POLE3: variants seen among roughly 807,000 people sequenced by gnomAD.
POLE3 encodes the protein DNA polymerase epsilon subunit 3.
Under a neutral mutation model 16.1 loss-of-function variants are expected in POLE3, and 10 were observed. That is an observed-to-expected ratio of 0.62 (90% CI 0.38 to 1.05). The LOEUF is 1.05. POLE3 is among the 50% of genes least tolerant of loss of function. The pLI is 0.01. For missense variants in POLE3, 169 were observed against 185.0 expected, an observed-to-expected ratio of 0.91 and a Z score of 0.50; for synonymous variants, 83 against 71.0, an observed-to-expected ratio of 1.17 and a Z score of -0.85.
At chr9:113,409,774 G>A (rs752052230) in intron 3 of POLE3, 46 bp from the exon 4 acceptor site, 3 of 1,293,010 alleles carry the variant, frequency 2.3e-6, no homozygotes, top group Non-Finnish European at 2.2e-6. Flanking sequence ...TTTGTAAGGC[G>A]TGAGTGGGAA....
At chr9:113,410,521 C>A in intron 1 of POLE3, 96 bp downstream of exon 1, 2 of 596,886 alleles carry the variant, frequency 3.4e-6, no homozygotes. Flanking sequence ...GGTTTTGGCC[C>A]GCCAAGGCTT....
Position 113,409,741 on chromosome 9 carries a change from A to G in POLE3, c.153-13T>C. The G allele has an allele frequency of 6.6e-7, 1 of 1,520,678 alleles. No homozygotes were observed. Among genetic ancestry groups the G allele is most frequent in the Non-Finnish European group, 9.1e-7 (1 of 1,095,320 alleles). The allele number at this position is 1,520,678 out of a possible 1,614,324, so 94.2% of individuals were successfully genotyped here. On this transcript the variant is annotated splice_polypyrimidine_tract_variant and intron_variant, in intron 3 of 4. Transcript: ENST00000374171. ...AAAGTTGTTAGCACTGAGAGAAGAG[A>G]AAGGCTGTCAGACTCCCTCTTGTTT...
At chr9:113,409,068 A>C in intron 4 of POLE3, 85 bp from the exon 5 acceptor site, 1 of 1,324,554 alleles carries the variant, frequency 7.5e-7, no homozygotes, top group Non-Finnish European at 1.1e-6. Flanking sequence ...GTACAATTGG[A>C]AAAACGGAGG....
Position 113,407,961 on chromosome 9 carries a change from G to C in POLE3, c.*850C>G. ...ATGAATTGAAGAATGAAAAGCCATA[G>C]TCACAAGTCTGGGAGATGGACTACA... is the stretch of plus-strand genomic sequence containing the variant. On this transcript the variant is annotated 3_prime_UTR_variant, in exon 5 of 5. Coordinates refer to ENST00000374171, the MANE Select transcript of POLE3 (RefSeq NM_017443.5). 1 of 152,694 alleles carries C rather than the reference G, an allele frequency of 6.5e-6. No homozygotes were observed. 9.5% of individuals were successfully genotyped at this position (152,694 alleles called of 1,614,324 possible).
rs1281168687 is a variant in POLE3, at chr9:113,410,399, C to T, written c.-106G>A. ...TGACCCTGCGAGGTTTCCGTTCCGCCCCACGTGGCCTACAGTGTCCCACAG... is the reference window on the plus strand; with the variant it reads ...TGACCCTGCGAGGTTTCCGTTCCGCTCCACGTGGCCTACAGTGTCCCACAG... On this transcript the variant is annotated 5_prime_UTR_variant, in exon 2 of 5. Transcript: ENST00000374171. The T allele has an allele frequency of 2.9e-6, 3 of 1,041,760 alleles. No individual in the cohort carries two copies. The highest frequency in any genetic ancestry group is 3.1e-5 in the African/African-American group (2 of 63,724). 64.5% of individuals were successfully genotyped at this position (1,041,760 alleles called of 1,614,324 possible).
Position 113,409,647 on chromosome 9 carries a change from G to T in POLE3, c.234C>A (p.Phe78Leu). Residue 78 changes from phenylalanine to leucine, a missense_variant, in exon 4 of 5, where the codon TTC becomes TTA. Physicochemically the swap from Phe to Leu is conservative, Grantham distance 22. Transcript: ENST00000374171. Reference protein sequence around the residue: ...DVLSAMEEMEFQRFVTPLKEA... With the variant: ...DVLSAMEEMELQRFVTPLKEA... ...CTTTCAATGGGGTAACGAACCGCTGGAACTCCATCTCTTCCATGGCTGAGA... is the reference window on the plus strand; with the variant it reads ...CTTTCAATGGGGTAACGAACCGCTGTAACTCCATCTCTTCCATGGCTGAGA... 6.2e-7 allele frequency: 1 copy of T among 1,612,822 alleles called. No individual in the cohort carries two copies.
In POLE3 at chr9:113,409,679, C is replaced by T. The variant is rs1383663661; in HGVS notation, c.202G>A (p.Asp68Asn). Residue 68 changes from aspartate to asparagine, a missense_variant, in exon 4 of 5, where the codon GAT (aspartate) becomes AAT (asparagine). Asp to Asn is a conservative substitution (Grantham distance 23). Transcript: ENST00000374171. The part of the protein sequence containing the change: ...KGKRKTLNAS[D>N]VLSAMEEMEF... ...ATCTCTTCCATGGCTGAGAGCACAT[C>T]ACTGGCATTCAGCGTCTTCCGCTTT... The T allele has an allele frequency of 6.2e-7, 1 of 1,613,768 alleles. No homozygotes were observed. Among genetic ancestry groups the T allele is most frequent in the African/African-American group, 1.3e-5 (1 of 74,918 alleles).
In POLE3 at chr9:113,409,680, A is replaced by C. The variant is rs1828037428; in HGVS notation, c.201T>G (p.Ser67Arg). 6.2e-7 allele frequency: 1 copy of C among 1,613,924 alleles called. No individual in the cohort carries two copies. Among genetic ancestry groups the C allele is most frequent in the Non-Finnish European group, 8.5e-7 (1 of 1,179,820 alleles). The change falls in exon 4 of 5, where the codon AGT (serine) becomes AGG (arginine). Residue 67 changes from serine (S) to arginine (R), a missense_variant. By Grantham distance (110) the Ser-to-Arg change is moderately radical. Transcript: ENST00000374171. ...MKGKRKTLNA[S>R]DVLSAMEEME... Reference sequence around the variant, plus strand: ...TCTCTTCCATGGCTGAGAGCACATCACTGGCATTCAGCGTCTTCCGCTTTC... The same window carrying C: ...TCTCTTCCATGGCTGAGAGCACATCCCTGGCATTCAGCGTCTTCCGCTTTC...
At chr9:113,409,379 CAAA>C (rs1828020661) in intron 4 of POLE3, among the ~76,000 whole-genome samples, 1 of 129,418 alleles carries the variant, frequency 7.7e-6, no homozygotes, top group African/African-American at 2.9e-5. Flanking sequence ...AAAAAAAAAA[CAAA>C]AACAAGAAAA....
chr9:113,407,904 G>C lies in POLE3; in HGVS notation c.*907C>G, dbSNP rs1348807277. 1 of 152,586 alleles carries C rather than the reference G, an allele frequency of 6.6e-6. No homozygotes were observed. The highest frequency in any genetic ancestry group is 1.9e-4 in the East Asian group (1 of 5,196). The allele number at this position is 152,586 out of a possible 1,614,324, so 9.5% of individuals were successfully genotyped here. A position where few individuals can be genotyped will look rare whatever the true frequency, so the allele number is the denominator to read the frequency against. ...GCAGGAGGCACAGAGGGAGAAAGCT[G>C]TGCCTAGAGAAAATCAAGTTTGGCA... On this transcript the variant is annotated 3_prime_UTR_variant, in exon 5 of 5. Transcript: ENST00000374171.
At chr9:113,410,453 C>T (rs950976199) in intron 1 of POLE3, 45 bp from the exon 2 acceptor site, 2 of 634,638 alleles carry the variant, frequency 3.2e-6, no homozygotes, top group East Asian at 2.8e-5. Context: ...CTCCCTCCTC[C>T]CCCCACAGCC....
intron 1 of POLE3, 37 bp from the exon 2 acceptor site, chr9:113,410,445 C>T: frequency 4.6e-6 from 3 of 657,566 alleles, no homozygotes; most frequent in South Asian, 3.6e-5. Flanking sequence ...GCCATAGCCT[C>T]CCTCCTCCCC....
chr9:113,410,157 G>A lies in POLE3; in HGVS notation c.67-17C>T, dbSNP rs1286464544. ...GTCCGGGAGCTGCGAGGAGACCGGG[G>A]GTGAGCAAAGCTGCCGTTCCAGCAC... On this transcript the variant is annotated splice_polypyrimidine_tract_variant and intron_variant, in intron 2 of 4. Transcript: ENST00000374171. 1.2e-6 allele frequency: 2 copies of A among 1,604,452 alleles called. No homozygotes were observed. The highest frequency in any genetic ancestry group is 1.1e-5 in the South Asian group (1 of 89,492).
intron 1 of POLE3, 51 bp from the exon 2 acceptor site, chr9:113,410,459 C>G (rs2119039752): frequency 4.8e-6 from 3 of 630,436 alleles, no homozygotes; most frequent in Non-Finnish European, 8.4e-6. Context: ...CCTCCCCCCA[C>G]AGCCCCGCCT....
rs200873987 is a variant in POLE3 at position 113,408,994 on chromosome 9, G to A, written c.272-11C>T. 5.1e-5 allele frequency: 82 copies of A among 1,612,490 alleles called. No individual in the cohort carries two copies. In the African/African-American group the frequency reaches 5.3e-4, roughly 10 times the overall value. ...GCTCCCGCCTATATGCTGTAAGGAC[G>A]GAACAAGGGGTTAGGAGACAGAGCT... On this transcript the variant is annotated splice_polypyrimidine_tract_variant and intron_variant, in intron 4 of 4. Transcript: ENST00000374171.
chr9:113,410,318 C>T lies in POLE3; in HGVS notation c.-25G>A, dbSNP rs766597368. 12 of 1,607,168 alleles carry T rather than the reference C, an allele frequency of 7.5e-6. No individual in the cohort carries two copies. The highest frequency in any genetic ancestry group is 9.3e-6 in the Non-Finnish European group (11 of 1,176,492). ...TTGCCGCCGCTGGGGCTTAAACTCCCCTTCGCCTCCGCTTCAGGGAGCTAC... is the reference window on the plus strand; with the variant it reads ...TTGCCGCCGCTGGGGCTTAAACTCCTCTTCGCCTCCGCTTCAGGGAGCTAC... On this transcript the variant is annotated 5_prime_UTR_variant, in exon 2 of 5. Coordinates refer to ENST00000374171, the MANE Select transcript of POLE3 (RefSeq NM_017443.5).
chr9:113,409,971 A>C, intron 3 of POLE3, 84 bp downstream of exon 3: 1 of 1,128,454 alleles, frequency 8.9e-7, no homozygotes, highest in South Asian at 1.4e-5. Flanking sequence ...GAGGGAGAAC[A>C]CAATCGTTGG....
rs368034162 is a variant in POLE3, at chr9:113,409,740, G to A, written c.153-12C>T. 3.9e-6 allele frequency: 6 copies of A among 1,539,614 alleles called. No homozygotes were observed. Among genetic ancestry groups the A allele is most frequent in the East Asian group, 2.2e-5 (1 of 44,550 alleles). The stretch of plus-strand genomic sequence containing the variant: ...CAAAGTTGTTAGCACTGAGAGAAGA[G>A]AAAGGCTGTCAGACTCCCTCTTGTT... On this transcript the variant is annotated splice_polypyrimidine_tract_variant and intron_variant, in intron 3 of 4. Transcript: ENST00000374171.
chr9:113,410,359 C>T lies in POLE3; in HGVS notation c.-66G>A, dbSNP rs772469462. The T allele has an allele frequency of 6.9e-5, 100 of 1,447,252 alleles. 1 individual carries two copies. The highest frequency in any genetic ancestry group is 9.4e-5 in the Non-Finnish European group (98 of 1,047,110). 89.7% of individuals were successfully genotyped at this position (1,447,252 alleles called of 1,614,324 possible). A position where few individuals can be genotyped will look rare whatever the true frequency, so the allele number is the denominator to read the frequency against. ...AGGGAGCTACTGCGTCCGGACTTCC[C>T]GCGTCGCTACGGTCTGACCCTGCGA... On this transcript the variant is annotated 5_prime_UTR_variant, in exon 2 of 5. Coordinates refer to ENST00000374171, the MANE Select transcript of POLE3 (RefSeq NM_017443.5).
Sources: allele counts gnomAD v4.1 joint callset (sites outside exome capture counted in the v4.1 genomes callset), GRCh38; gene constraint gnomAD v4.1.1; transcripts MANE v1.5; gene names NCBI Gene and HGNC (gene_info 2026-07-23, HGNC 2026-07-21).